The following ABCA1 variants were observed in gnomAD, a reference collection of about 807,000 sequenced individuals.
The protein encoded by ABCA1 is ATP binding cassette subfamily A member 1.
Under a neutral mutation model 262.5 loss-of-function variants are expected in ABCA1, and 133 were observed. The observed-to-expected ratio is 0.51, with a 90% CI of 0.44 to 0.59. The LOEUF (loss-of-function observed/expected upper bound fraction) is 0.59, where lower values mean the gene tolerates loss of function less well. Ranked by LOEUF, ABCA1 falls within the 20% of genes least tolerant of loss-of-function variation. The pLI, the probability that ABCA1 is intolerant of heterozygous loss-of-function variation, is 0.00. For missense variants in ABCA1, 2,452 were observed against 2,777.5 expected (o/e 0.88, Z 2.63); for synonymous variants, 1,022 against 1,043.5 (o/e 0.98, Z 0.40).
chr9:104,787,382 C>A (rs993155081), intron 46 of ABCA1, among the ~76,000 whole-genome samples: 22 of 151,720 alleles, frequency 1.5e-4, no homozygotes, highest in Admixed American at 9.2e-4. Context: ...ACTCAGATTA[C>A]CCTAGTATAT....
At chr9:104,829,171 G>C in intron 14 of ABCA1, 33 bp from the exon 15 acceptor site, 2 of 1,611,648 alleles carry the variant, frequency 1.2e-6, no homozygotes, top group Non-Finnish European at 1.7e-6. Flanking sequence ...AGGGGAGAAA[G>C]AAAGACACAC....
At chr9:104,842,558 T>C (rs1036937187) in intron 8 of ABCA1, among the ~76,000 whole-genome samples, 3 of 152,134 alleles carry the variant, frequency 2.0e-5, no homozygotes, top group African/African-American at 7.2e-5. Flanking sequence ...TCTTACTCTT[T>C]CTCCTACACC....
chr9:104,826,882 T>C, intron 16 of ABCA1, 66 bp downstream of exon 16: 1 of 1,449,932 alleles, frequency 6.9e-7, no homozygotes, highest in Admixed American at 1.7e-5. Context: ...CTTGCTGCTT[T>C]TATTCAGGGA....
chr9:104,885,519 G>A (rs761547695), intron 3 of ABCA1, among the ~76,000 whole-genome samples: 10 of 152,078 alleles, frequency 6.6e-5, no homozygotes, highest in Non-Finnish European at 1.0e-4. Context: ...GTGAAGCTTC[G>A]GGGGTTTTGT....
intron 3 of ABCA1, among the ~76,000 whole-genome samples, chr9:104,886,478 TC>T (rs1437172880): frequency 6.6e-6 from 1 of 152,170 alleles, no homozygotes; most frequent in African/African-American, 2.4e-5. Context: ...TGTTAATAGT[TC>T]AAGGAAAACC....
At position 104,893,805 on chromosome 9, in the gene ABCA1, C is replaced by T. The variant is rs181671699; in HGVS notation, c.67-4610G>A. On this transcript the variant is annotated intron_variant, in intron 2 of 49. Coordinates refer to ENST00000374736, the MANE Select transcript of ABCA1 (RefSeq NM_005502.4). The stretch of plus-strand genomic sequence containing the variant: ...CCACATGACATTCTATTTGACACCA[C>T]GGGTGACTCAGGTAGGAAATGGCCC... Among the ~76,000 whole-genome samples, 10 of 152,230 alleles carry T rather than the reference C, an allele frequency of 6.6e-5. 1 individual carries two copies. Among genetic ancestry groups the T allele is most frequent in the East Asian group, 3.9e-4 (2 of 5,186 alleles).
intron 5 of ABCA1, among the ~76,000 whole-genome samples, chr9:104,865,838 C>T (rs912778691): frequency 1.3e-5 from 2 of 152,154 alleles, no homozygotes; most frequent in Admixed American, 6.5e-5. Flanking sequence ...TACCAATGTA[C>T]AACAATGCCA....
chr9:104,904,782 G>A (rs908423902), intron 1 of ABCA1, among the ~76,000 whole-genome samples: 29 of 152,100 alleles, frequency 1.9e-4, no homozygotes, highest in Non-Finnish European at 2.4e-4. Context: ...CTGTGAAACC[G>A]ACAAACAAGC....
Position 104,827,063 on chromosome 9 carries a change from G to C in ABCA1, c.2222C>G (p.Ser741Cys), listed in dbSNP as rs762112742. Reference sequence around the variant, plus strand: ...ACAGGCTGCTGCCAGGTTGGCTCTGGAGAAGAGTGTGCTAATCAGGAAGCA... The same window carrying C: ...ACAGGCTGCTGCCAGGTTGGCTCTGCAGAAGAGTGTGCTAATCAGGAAGCA... ...LQCFLISTLF[S>C]RANLAAACGG... is the part of the protein sequence containing the mutation. Residue 741 changes from serine to cysteine, a missense_variant, in exon 16 of 50, where the codon TCC becomes TGC. Ser to Cys is a moderately radical substitution (Grantham distance 112, BLOSUM62 -1). Around this residue, in one of 4 missense-constraint regions of ABCA1, gnomAD observed 1,032 missense variants for 1,089.7 expected, o/e 0.95. Coordinates refer to ENST00000374736, the MANE Select transcript of ABCA1 (RefSeq NM_005502.4). The C allele has an allele frequency of 1.2e-6, 2 of 1,614,212 alleles. No individual in the cohort carries two copies. The highest frequency in any genetic ancestry group is 2.2e-5 in the South Asian group (2 of 91,074).
intron 7 of ABCA1, chr9:104,856,136 G>T (rs751694558): frequency 2.0e-6 from 3 of 1,524,680 alleles, no homozygotes; most frequent in Admixed American, 4.1e-5. Context: ...ATAGAAAAAG[G>T]CTGCTTAATG....
chr9:104,878,524 C>T (rs147520727), intron 5 of ABCA1, among the ~76,000 whole-genome samples: 2 of 152,268 alleles, frequency 1.3e-5, no homozygotes, highest in East Asian at 3.9e-4. Context: ...TGATTTATTC[C>T]CAGAATATCC....
chr9:104,810,967 G>A (rs776128954), intron 28 of ABCA1, 43 bp from the exon 29 acceptor site: 43 of 1,613,374 alleles, frequency 2.7e-5, no homozygotes, highest in East Asian at 2.5e-4. Context: ...AGCAGGAAAC[G>A]GCAAGTGTTA....
At chr9:104,863,508 C>G (rs1184551096) in intron 5 of ABCA1, among the ~76,000 whole-genome samples, 1 of 152,170 alleles carries the variant, frequency 6.6e-6, no homozygotes, top group Non-Finnish European at 1.5e-5. Context: ...TTAATGAGGA[C>G]AGGAGTTAAT....
rs1665998413 is a variant in ABCA1 at position 104,817,521 on chromosome 9, C to T, written c.3463-117G>A. ...GTTGTGTGAGAACTAAAGGAAAAAG[C>T]TTTCCCTGGGACACATGCACTGGCA... On this transcript the variant is annotated intron_variant, in intron 23 of 49. Transcript: ENST00000374736. This position sits in a 1 kb window ranked among gnomAD's most constrained non-coding sequence, Gnocchi z 4.7. 1 of 1,139,152 alleles carries T rather than the reference C, an allele frequency of 8.8e-7. No individual in the cohort carries two copies. The allele number at this position is 1,139,152 out of a possible 1,614,324, so 70.6% of individuals were successfully genotyped here.
At position 104,788,486 on chromosome 9, in the gene ABCA1, C is replaced by A; in HGVS notation, c.6009G>T (p.Gly2003=). 1 of 1,614,212 alleles carries A rather than the reference C, an allele frequency of 6.2e-7. No homozygotes were observed. Among genetic ancestry groups the A allele is most frequent in the Non-Finnish European group, 8.5e-7 (1 of 1,180,036 alleles). The part of the protein sequence containing the change: ...QFDAITELLT[G]REHVEFFALL... Reference sequence around the variant, plus strand: ...GGGCAAAGAACTCCACGTGTTCTCTCCCAGTCAACAGCTCTGTGATGGCAT... The same window carrying A: ...GGGCAAAGAACTCCACGTGTTCTCTACCAGTCAACAGCTCTGTGATGGCAT... Residue 2003 remains glycine, a synonymous_variant, in exon 45 of 50, where the codon GGG becomes GGT. Coordinates refer to ENST00000374736, the MANE Select transcript of ABCA1 (RefSeq NM_005502.4).
At chr9:104,840,551 T>C in intron 8 of ABCA1, 32 bp from the exon 9 acceptor site, 1 of 1,603,092 alleles carries the variant, frequency 6.2e-7, no homozygotes, top group African/African-American at 1.3e-5. Context: ...GAAAGGAGGG[T>C]AGGGGAAGGG....
At chr9:104,784,796 A>C (rs1828774241) in intron 49 of ABCA1, among the ~76,000 whole-genome samples, 1 of 152,114 alleles carries the variant, frequency 6.6e-6, no homozygotes, top group Non-Finnish European at 1.5e-5. Flanking sequence ...AGTGCGCACC[A>C]CCATGCCCAG....
chr9:104,896,875 C>T (rs1451322366), intron 2 of ABCA1, among the ~76,000 whole-genome samples: 1 of 151,384 alleles, frequency 6.6e-6, no homozygotes. Context: ...GGACTCCAGG[C>T]AAGTACCACC....
intron 2 of ABCA1, among the ~76,000 whole-genome samples, chr9:104,895,774 C>G (rs1840150552): frequency 6.6e-6 from 1 of 152,158 alleles, no homozygotes; most frequent in African/African-American, 2.4e-5. Flanking sequence ...ACAATCCAGT[C>G]ACTCTGTGAA....
Sources: gnomAD v4.1 joint callset for allele counts (sites outside exome capture counted in the v4.1 genomes callset) on GRCh38, gnomAD v4.1.1 for gene constraint, gnomAD v4.1.1 regional missense constraint, Gnocchi (gnomAD v3.1) non-coding constraint, MANE v1.5 for transcripts, NCBI Gene and HGNC (gene_info 2026-07-23, HGNC 2026-07-21) for gene names.